EXOC4: variants seen among roughly 807,000 people sequenced by gnomAD.
EXOC4 encodes the protein SEC8-like 1.
In EXOC4, 71 loss-of-function variants were observed where a neutral mutation model predicts 107.2. The observed-to-expected ratio is 0.66, with a 90% CI of 0.55 to 0.81. The LOEUF (loss-of-function observed/expected upper bound fraction) is 0.81. Among genes scored for constraint, EXOC4 ranks in the 30% least tolerant of loss-of-function variants. The pLI is 0.00. For missense variants in EXOC4, 1,108 were observed against 1,189.6 expected (o/e 0.93, Z 1.01); for synonymous variants, 456 against 441.2 (o/e 1.03, Z -0.42).
At chr7:134,008,718 C>T (rs1394938906) in intron 17 of EXOC4, among the ~76,000 whole-genome samples, 1 of 152,084 alleles carries the variant, frequency 6.6e-6, no homozygotes, top group African/African-American at 2.4e-5. Context: ...ACATGGCTCA[C>T]TATAGCCTTG....
intron 9 of EXOC4, among the ~76,000 whole-genome samples, chr7:133,507,630 A>G (rs1164596521): frequency 6.6e-6 from 1 of 152,234 alleles, no homozygotes; most frequent in Non-Finnish European, 1.5e-5. Flanking sequence ...TTCCTGTAGA[A>G]GGAATGAGAA....
chr7:133,409,588 C>T (rs1048785154), intron 7 of EXOC4, among the ~76,000 whole-genome samples: 4 of 152,186 alleles, frequency 2.6e-5, no homozygotes, highest in African/African-American at 7.2e-5. Context: ...ATATGACTTT[C>T]TGCTGTCATC....
At chr7:133,480,314 T>G (rs1208024695) in intron 9 of EXOC4, 176 bp downstream of exon 9, 10 of 1,435,536 alleles carry the variant, frequency 7.0e-6, no homozygotes, top group Non-Finnish European at 9.2e-6. Flanking sequence ...GTAAAACTAT[T>G]ACTGTGGCCA....
chr7:133,330,434 G>A (rs1374432867), intron 5 of EXOC4, among the ~76,000 whole-genome samples: 2 of 152,074 alleles, frequency 1.3e-5, no homozygotes, highest in Non-Finnish European at 1.5e-5. Flanking sequence ...GGGAGTGAAC[G>A]GTTCTGTCTT....
At chr7:134,087,953 C>T in the EXOC4 span, among the ~76,000 whole-genome samples, 1 of 152,248 alleles carries the variant, frequency 6.6e-6, no homozygotes, top group East Asian at 1.9e-4. Context: ...TAACTCTGTT[C>T]CATAGAAGGA....
intron 9 of EXOC4, among the ~76,000 whole-genome samples, chr7:133,553,120 G>A (rs1179765443): frequency 6.6e-6 from 1 of 152,080 alleles, no homozygotes; most frequent in Non-Finnish European, 1.5e-5. Flanking sequence ...TAAGGTAGGG[G>A]TAGTATTATA....
chr7:133,440,873 T>G (rs763726461), intron 7 of EXOC4, among the ~76,000 whole-genome samples: 1 of 152,238 alleles, frequency 6.6e-6, no homozygotes, highest in Non-Finnish European at 1.5e-5. Context: ...CTATCAGCCC[T>G]TGGGGCAGCT....
chr7:133,879,489 C>T (rs1281141081), intron 11 of EXOC4, among the ~76,000 whole-genome samples: 1 of 152,068 alleles, frequency 6.6e-6, no homozygotes, highest in African/African-American at 2.4e-5. Context: ...AATATAATTC[C>T]TACTTGAAAG....
intron 5 of EXOC4, among the ~76,000 whole-genome samples, chr7:133,346,756 A>G (rs1272716767): frequency 1.3e-5 from 2 of 152,222 alleles, no homozygotes; most frequent in Non-Finnish European, 2.9e-5. Context: ...ATTCTTGAAT[A>G]CATGTGATTT....
chr7:133,537,099 A>G (rs1490268042), intron 9 of EXOC4, among the ~76,000 whole-genome samples: 1 of 152,050 alleles, frequency 6.6e-6, no homozygotes. Flanking sequence ...CTATATCCTT[A>G]GCCAAGGTTT....
At chr7:133,941,692 T>A (rs1255949784) in intron 14 of EXOC4, among the ~76,000 whole-genome samples, 1 of 152,146 alleles carries the variant, frequency 6.6e-6, no homozygotes, top group Non-Finnish European at 1.5e-5. Flanking sequence ...TTCTTTCAGT[T>A]GAAAGTCACA....
chr7:133,884,581 C>CTGTGTGTG (rs34350149), intron 11 of EXOC4, among the ~76,000 whole-genome samples: 2,071 of 143,688 alleles, frequency 0.014, 38 homozygotes, highest in African/African-American at 0.048. Flanking sequence ...GCCCTATGCT[C>CTGTGTGTG]TGTGTGTGTG....
At chr7:134,069,590 TGG>T (rs1314515178), downstream of EXOC4, among the ~76,000 whole-genome samples, 1 of 152,090 alleles carries the variant, frequency 6.6e-6, no homozygotes, top group Non-Finnish European at 1.5e-5. Context: ...CTCTGCCTCC[TGG>T]GTTCAAGCGA....
At chr7:133,810,800 A>AT (rs1225079392) in intron 10 of EXOC4, among the ~76,000 whole-genome samples, 2 of 151,668 alleles carry the variant, frequency 1.3e-5, no homozygotes, top group Admixed American at 6.6e-5. Context: ...CCTGGGGCTA[A>AT]TTTTTTGTGT....
intron 7 of EXOC4, among the ~76,000 whole-genome samples, chr7:133,449,216 G>A (rs527470736): frequency 6.6e-6 from 1 of 152,140 alleles, no homozygotes; most frequent in African/African-American, 2.4e-5. Flanking sequence ...TGTACATGCC[G>A]TAGAACGCCA....
At chr7:133,923,786 GGACAA>G (rs1799992045) in intron 13 of EXOC4, among the ~76,000 whole-genome samples, 1 of 152,002 alleles carries the variant, frequency 6.6e-6, no homozygotes. Context: ...TATTATTTAT[GGACAA>G]GACATTTTGA....
chr7:133,724,032 G>T (rs536678834), intron 10 of EXOC4, among the ~76,000 whole-genome samples: 18 of 152,068 alleles, frequency 1.2e-4, no homozygotes, highest in Non-Finnish European at 2.2e-4. Context: ...AAACTTACAT[G>T]CATTTGCTAG....
At chr7:133,477,223 A>G (rs747490419) in intron 8 of EXOC4, among the ~76,000 whole-genome samples, 8 of 152,146 alleles carry the variant, frequency 5.3e-5, no homozygotes, top group Non-Finnish European at 1.0e-4. Context: ...TACAGTTCTA[A>G]TGGGTTTTGA....
intron 9 of EXOC4, among the ~76,000 whole-genome samples, chr7:133,603,634 G>A (rs906334214): frequency 6.6e-6 from 1 of 152,124 alleles, no homozygotes; most frequent in Non-Finnish European, 1.5e-5. Flanking sequence ...CTAAACATAT[G>A]TAAACATAGA....
Sources: gnomAD v4.1 joint callset for allele counts (sites outside exome capture counted in the v4.1 genomes callset) on GRCh38, gnomAD v4.1.1 for gene constraint, MANE v1.5 for transcripts, NCBI Gene and HGNC (gene_info 2026-07-23, HGNC 2026-07-21) for gene names.